EFNA5: variants seen among roughly 807,000 people sequenced by gnomAD.
EFNA5 encodes ephrin-A5.
In EFNA5, 5 loss-of-function variants were observed where a neutral mutation model predicts 22.9. The observed-to-expected ratio is 0.22, with a 90% CI of 0.11 to 0.46. The LOEUF (loss-of-function observed/expected upper bound fraction) is 0.46. EFNA5 is among the 20% of genes least tolerant of loss of function. EFNA5 has a pLI of 0.99. For missense variants in EFNA5, 237 were observed against 293.3 expected (o/e 0.81, Z 1.40); for synonymous variants, 113 against 112.2 (o/e 1.01, Z -0.04).
chr5:107,517,257 A>T (rs1255757967), intron 1 of EFNA5, among the ~76,000 whole-genome samples: 8 of 152,214 alleles, frequency 5.3e-5, no homozygotes, highest in African/African-American at 1.9e-4. Flanking sequence ...GCTATCTCAC[A>T]GTATTCATCA....
At chr5:107,499,032 G>C (rs759166229) in intron 1 of EFNA5, among the ~76,000 whole-genome samples, 8 of 151,776 alleles carry the variant, frequency 5.3e-5, no homozygotes, top group Non-Finnish European at 1.0e-4. Context: ...TTTACTGTGA[G>C]ATTTCCATTG....
intron 1 of EFNA5, among the ~76,000 whole-genome samples, chr5:107,586,415 T>A (rs994988153): frequency 1.6e-4 from 24 of 152,146 alleles, no homozygotes; most frequent in African/African-American, 5.8e-4. Flanking sequence ...TTCACCTTTA[T>A]AAAGAACAGC....
At chr5:107,552,364 T>G (rs944279269) in intron 1 of EFNA5, among the ~76,000 whole-genome samples, 10 of 152,222 alleles carry the variant, frequency 6.6e-5, no homozygotes, top group Non-Finnish European at 2.9e-5. Flanking sequence ...TCATGCTCAC[T>G]ATGTATTAAC....
rs377113254 is a variant in EFNA5, at chr5:107,487,852, T to A, written c.126-60343A>T. Among the ~76,000 whole-genome samples the A allele has an allele frequency of 1.1e-3, 172 of 152,336 alleles. 4 individuals carry two copies. In the South Asian group the frequency reaches 0.034, roughly 30 times the overall value. On this transcript the variant is annotated intron_variant, in intron 1 of 4. Coordinates refer to ENST00000333274, the MANE Select transcript of EFNA5 (RefSeq NM_001962.3). Reference sequence around the variant, plus strand: ...TTTGTATAACAGGTGCCAACAAATATTTGCTGAATTTAATTTTACAAAGAT... The same window carrying A: ...TTTGTATAACAGGTGCCAACAAATAATTGCTGAATTTAATTTTACAAAGAT...
chr5:107,429,932 GA>G (rs1312834010), intron 1 of EFNA5, among the ~76,000 whole-genome samples: 7 of 152,128 alleles, frequency 4.6e-5, no homozygotes, highest in African/African-American at 1.4e-4. Flanking sequence ...AATGTCAAAT[GA>G]TCCATAGCAA....
chr5:107,641,149 G>A (rs1245553323), intron 1 of EFNA5, among the ~76,000 whole-genome samples: 1 of 152,126 alleles, frequency 6.6e-6, no homozygotes, highest in Non-Finnish European at 1.5e-5. Context: ...CTTGAGGTCA[G>A]GAGTTCGAGA....
intron 1 of EFNA5, among the ~76,000 whole-genome samples, chr5:107,566,455 C>T (rs1748669312): frequency 6.6e-6 from 1 of 152,170 alleles, no homozygotes; most frequent in South Asian, 2.1e-4. Context: ...GAGATGGTTT[C>T]CAGCTCGCTT....
intron 1 of EFNA5, among the ~76,000 whole-genome samples, chr5:107,556,601 C>T (rs1748421857): frequency 2.0e-5 from 3 of 151,842 alleles, no homozygotes; most frequent in South Asian, 4.1e-4. Flanking sequence ...CAAAAATTAG[C>T]TGGGCATGGT....
intron 2 of EFNA5, among the ~76,000 whole-genome samples, chr5:107,413,691 A>G (rs1748430518): frequency 6.6e-6 from 1 of 152,178 alleles, no homozygotes; most frequent in Non-Finnish European, 1.5e-5. Flanking sequence ...TTATTTTATG[A>G]TAAAAAATTT....
chr5:107,536,007 T>A (rs755729112), intron 1 of EFNA5, among the ~76,000 whole-genome samples: 2 of 152,072 alleles, frequency 1.3e-5, no homozygotes, highest in Non-Finnish European at 2.9e-5. Flanking sequence ...ATCCTCTATA[T>A]CCCTCTCCCC....
chr5:107,387,108 T>C (rs1747645953), intron 4 of EFNA5, 127 bp downstream of exon 4: 2 of 592,052 alleles, frequency 3.4e-6, no homozygotes, highest in African/African-American at 1.9e-5. Flanking sequence ...TTAGCATCGC[T>C]AGCAATGAGC....
At chr5:107,531,495 A>C (rs907485483) in intron 1 of EFNA5, among the ~76,000 whole-genome samples, 2 of 152,176 alleles carry the variant, frequency 1.3e-5, no homozygotes, top group African/African-American at 4.8e-5. Context: ...CGTGATACCT[A>C]TCCTCCAATA....
At chr5:107,505,771 A>G (rs2112429562) in intron 1 of EFNA5, among the ~76,000 whole-genome samples, 1 of 152,270 alleles carries the variant, frequency 6.6e-6, no homozygotes, top group East Asian at 1.9e-4. Flanking sequence ...AGTACTTGCT[A>G]TTCTACATTC....
At position 107,634,847 on chromosome 5, in the gene EFNA5, A is replaced by G. The variant is rs542597512; in HGVS notation, c.125+35642T>C. ...AAAAAGGTAGAACAACCCCAATAGC[A>G]TATACAAGAGTGAAAGGGAAAGGAA... is the stretch of plus-strand genomic sequence containing the variant. On this transcript the variant is annotated intron_variant, in intron 1 of 4. Transcript: ENST00000333274. Among the ~76,000 whole-genome samples the G allele has an allele frequency of 1.8e-4, 28 of 152,176 alleles. 6 individuals carry two copies. Among genetic ancestry groups the G allele is most frequent in the Non-Finnish European group, 7.4e-5 (5 of 68,020 alleles).
chr5:107,615,989 T>C (rs1049311112), intron 1 of EFNA5, among the ~76,000 whole-genome samples: 10 of 152,222 alleles, frequency 6.6e-5, no homozygotes, highest in Non-Finnish European at 1.2e-4. Flanking sequence ...CTTCAAATTA[T>C]ATTTCATTTC....
At chr5:107,520,568 A>G (rs946218187) in intron 1 of EFNA5, among the ~76,000 whole-genome samples, 2 of 152,176 alleles carry the variant, frequency 1.3e-5, no homozygotes, top group Non-Finnish European at 2.9e-5. Context: ...TCTGTCTTTC[A>G]TCTGGTAGGC....
intron 1 of EFNA5, among the ~76,000 whole-genome samples, chr5:107,573,956 T>C (rs981049807): frequency 6.6e-6 from 1 of 152,246 alleles, no homozygotes; most frequent in African/African-American, 2.4e-5. Flanking sequence ...ACCACTTGGC[T>C]AGCAGGAGCC....
chr5:107,606,538 A>AACAC (rs58031827), intron 1 of EFNA5, among the ~76,000 whole-genome samples: 12,487 of 144,006 alleles, frequency 0.087, 589 homozygotes, highest in Admixed American at 0.11. Context: ...TTGCACGTAC[A>AACAC]ACACACACAC....
chr5:107,392,560 G>A (rs946457875), intron 2 of EFNA5, among the ~76,000 whole-genome samples: 1 of 152,138 alleles, frequency 6.6e-6, no homozygotes, highest in Admixed American at 6.6e-5. Flanking sequence ...CCGTTGCCTT[G>A]GGAGAGACTC....
Sources: allele counts gnomAD v4.1 joint callset (sites outside exome capture counted in the v4.1 genomes callset), GRCh38; gene constraint gnomAD v4.1.1; transcripts MANE v1.5; gene names NCBI Gene and HGNC (gene_info 2026-07-23, HGNC 2026-07-21).